The following EPHA6 variants were observed in gnomAD, a reference collection of about 807,000 sequenced individuals.
EPHA6 encodes the protein EPH receptor A6.
In EPHA6, 50 loss-of-function variants were observed where a neutral mutation model predicts 112.0. That is an observed-to-expected ratio of 0.45 (90% confidence interval 0.36 to 0.56). EPHA6 has a LOEUF of 0.56. Among genes scored for constraint, EPHA6 ranks in the 20% least tolerant of loss-of-function variants. EPHA6 has a pLI of 0.00. For synonymous variants in EPHA6, 529 were observed against 490.7 expected, an observed-to-expected ratio of 1.08 and a Z score of -1.03; for missense variants, 1,280 against 1,417.4, an observed-to-expected ratio of 0.90 and a Z score of 1.56.
At chr3:97,251,538 T>A (rs781735742) in intron 5 of EPHA6, among the ~76,000 whole-genome samples, 3 of 151,712 alleles carry the variant, frequency 2.0e-5, no homozygotes, top group Middle Eastern at 3.2e-3. Flanking sequence ...AAAAAAAAAA[T>A]AAATAAAACA....
At chr3:97,602,372 C>T (rs954660297) in intron 12 of EPHA6, among the ~76,000 whole-genome samples, 59 of 152,044 alleles carry the variant, frequency 3.9e-4, no homozygotes, top group African/African-American at 1.3e-3. Context: ...TAAAATATCC[C>T]AGGGAGCAAC....
At chr3:96,939,042 A>G (rs1398808494) in intron 2 of EPHA6, among the ~76,000 whole-genome samples, 2 of 152,174 alleles carry the variant, frequency 1.3e-5, no homozygotes, top group Non-Finnish European at 2.9e-5. Flanking sequence ...ATCAATGTTC[A>G]TCAAGGATAT....
intron 3 of EPHA6, among the ~76,000 whole-genome samples, chr3:97,155,946 T>C (rs72922339): frequency 0.04 from 6,121 of 152,238 alleles, 371 homozygotes; most frequent in African/African-American, 0.14. Flanking sequence ...TCTCTGCTCA[T>C]AAGGGCTCCT....
intron 5 of EPHA6, among the ~76,000 whole-genome samples, chr3:97,262,486 G>C (rs540453460): frequency 5.3e-5 from 8 of 152,086 alleles, no homozygotes; most frequent in Admixed American, 4.6e-4. Flanking sequence ...TATATTCCCT[G>C]GTAAACCTCT....
intron 2 of EPHA6, among the ~76,000 whole-genome samples, chr3:96,900,697 T>A (rs1167110228): frequency 6.6e-6 from 1 of 152,238 alleles, no homozygotes; most frequent in Non-Finnish European, 1.5e-5. Context: ...ATGGATTGTT[T>A]TTGCCACAGA....
intron 15 of EPHA6, among the ~76,000 whole-genome samples, chr3:97,729,399 T>C (rs1362070317): frequency 2.0e-5 from 3 of 152,086 alleles, no homozygotes; most frequent in Non-Finnish European, 4.4e-5. Flanking sequence ...ACAATCATGG[T>C]AGAAGACAAA....
chr3:97,222,941 A>G (rs753226664), intron 3 of EPHA6, among the ~76,000 whole-genome samples: 1 of 152,216 alleles, frequency 6.6e-6, no homozygotes, highest in Non-Finnish European at 1.5e-5. Flanking sequence ...CCTCTTAAAG[A>G]AGTGCGAGCT....
At chr3:97,346,647 G>A (rs926763300) in intron 5 of EPHA6, among the ~76,000 whole-genome samples, 1 of 150,294 alleles carries the variant, frequency 6.7e-6, no homozygotes, top group South Asian at 2.1e-4. Context: ...ATGACCCAAC[G>A]TGTATACATC....
chr3:97,396,322 T>A lies in EPHA6; in HGVS notation c.1607-8828T>A, dbSNP rs148162423. On this transcript the variant is annotated intron_variant, in intron 5 of 17. Coordinates refer to ENST00000389672, the MANE Select transcript of EPHA6 (RefSeq NM_001080448.3). ...ACCCTGATAGGTAAACCTTAATATA[T>A]CTAGTATGCTTATAGCTGACTGAGA... 3.5e-3 allele frequency among the ~76,000 whole-genome samples: 520 copies of A among 148,418 alleles called. 4 individuals are homozygous for A. Among genetic ancestry groups the A allele is most frequent in the African/African-American group, 0.012 (489 of 40,280 alleles).
chr3:97,671,369 T>A (rs892332435), intron 14 of EPHA6, among the ~76,000 whole-genome samples: 2 of 152,184 alleles, frequency 1.3e-5, no homozygotes, highest in Non-Finnish European at 2.9e-5. Context: ...TAATGACAGA[T>A]GACAAGACGT....
intron 6 of EPHA6, among the ~76,000 whole-genome samples, chr3:97,445,181 A>AT (rs2090293500): frequency 6.6e-6 from 1 of 152,070 alleles, no homozygotes; most frequent in East Asian, 1.9e-4. Flanking sequence ...CTTCTCAATG[A>AT]TTTTTTCTCA....
rs530096051 is a variant in EPHA6 at position 97,185,013 on chromosome 3, G to T, written c.1115-41251G>T. The stretch of plus-strand genomic sequence containing the variant: ...GTGCTGGGAAAACTGGCTAGCCATA[G>T]GTAGAAAGCTGAAACTGGATCCCTT... On this transcript the variant is annotated intron_variant, in intron 3 of 17. Coordinates refer to ENST00000389672, the MANE Select transcript of EPHA6 (RefSeq NM_001080448.3). Among the ~76,000 whole-genome samples the T allele has an allele frequency of 6.3e-3, 960 of 152,044 alleles. 7 individuals carry two copies. The highest frequency in any genetic ancestry group is 0.021 in the African/African-American group (892 of 41,492).
chr3:97,430,305 A>G (rs1481044500), intron 6 of EPHA6, among the ~76,000 whole-genome samples: 2 of 152,156 alleles, frequency 1.3e-5, no homozygotes, highest in African/African-American at 4.8e-5. Context: ...GGAAGAAAAT[A>G]GATTCAACAA....
At chr3:96,922,264 A>G (rs2039805826) in intron 2 of EPHA6, among the ~76,000 whole-genome samples, 1 of 152,202 alleles carries the variant, frequency 6.6e-6, no homozygotes, top group South Asian at 2.1e-4. Context: ...TAAAGAAGTA[A>G]TGATAGAATT....
intron 14 of EPHA6, among the ~76,000 whole-genome samples, chr3:97,660,956 C>G (rs973403344): frequency 6.6e-6 from 1 of 152,068 alleles, no homozygotes; most frequent in Non-Finnish European, 1.5e-5. Context: ...TTCAATGTCT[C>G]TTTTCTGTAG....
chr3:97,556,280 A>G (rs2093108211), intron 11 of EPHA6, among the ~76,000 whole-genome samples: 1 of 151,844 alleles, frequency 6.6e-6, no homozygotes, highest in Non-Finnish European at 1.5e-5. Flanking sequence ...GAATATGAAA[A>G]CTTCCTTCAT....
At chr3:96,958,976 T>C (rs1016597864) in intron 2 of EPHA6, among the ~76,000 whole-genome samples, 8 of 152,236 alleles carry the variant, frequency 5.3e-5, no homozygotes, top group Non-Finnish European at 4.4e-5. Flanking sequence ...TGAACATTCA[T>C]GTACAAGTTT....
intron 3 of EPHA6, among the ~76,000 whole-genome samples, chr3:97,126,073 C>G (rs975072666): frequency 2.6e-5 from 4 of 152,202 alleles, no homozygotes; most frequent in Non-Finnish European, 5.9e-5. Flanking sequence ...AAAAGCCTAT[C>G]TTGATGCAGG....
intron 14 of EPHA6, among the ~76,000 whole-genome samples, chr3:97,690,908 T>G (rs2032621787): frequency 6.6e-6 from 1 of 152,250 alleles, no homozygotes; most frequent in African/African-American, 2.4e-5. Flanking sequence ...ATTATTTTCT[T>G]GACAGTTCCA....
Sources: gnomAD v4.1 joint callset for allele counts (sites outside exome capture counted in the v4.1 genomes callset) on GRCh38, gnomAD v4.1.1 for gene constraint, MANE v1.5 for transcripts, NCBI Gene and HGNC (gene_info 2026-07-23, HGNC 2026-07-21) for gene names.